CLVS1: variants seen among roughly 807,000 people sequenced by gnomAD.
CLVS1 encodes clavesin-1.
Under a neutral mutation model 33.1 loss-of-function variants are expected in CLVS1, and 10 were observed. That is an observed-to-expected ratio of 0.30 (90% CI 0.19 to 0.51). The LOEUF (loss-of-function observed/expected upper bound fraction) is 0.51. Among genes scored for constraint, CLVS1 ranks in the 20% least tolerant of loss-of-function variants. The pLI is 0.97. For synonymous variants in CLVS1, 163 were observed against 166.1 expected (o/e 0.98, Z 0.14); for missense variants, 343 against 433.4 (o/e 0.79, Z 1.85).
chr8:61,114,073 G>T (rs185980138), intron 1 of CLVS1, among the ~76,000 whole-genome samples: 4 of 152,370 alleles, frequency 2.6e-5, no homozygotes, highest in Non-Finnish European at 5.9e-5. Flanking sequence ...ATATGTAAAT[G>T]AATGATAATG....
At chr8:61,137,683 C>T (rs942987844) in intron 2 of CLVS1, among the ~76,000 whole-genome samples, 4 of 152,190 alleles carry the variant, frequency 2.6e-5, no homozygotes, top group Non-Finnish European at 4.4e-5. Flanking sequence ...TTCCTTTCCT[C>T]CTCCAATAAT....
At chr8:60,968,440 C>T in the CLVS1 span, among the ~76,000 whole-genome samples, 1 of 149,840 alleles carries the variant, frequency 6.7e-6, no homozygotes, top group African/African-American at 2.5e-5. Context: ...CGCTTGAACC[C>T]GGGAGGCAGA....
chr8:61,180,569 A>G (rs1314860324), intron 2 of CLVS1, among the ~76,000 whole-genome samples: 1 of 152,254 alleles, frequency 6.6e-6, no homozygotes, highest in Non-Finnish European at 1.5e-5. Context: ...TCCTTGATGA[A>G]CATCAATGCA....
chr8:61,368,404 G>A (rs1813301536), intron 2 of CLVS1, among the ~76,000 whole-genome samples: 1 of 152,206 alleles, frequency 6.6e-6, no homozygotes, highest in Non-Finnish European at 1.5e-5. Flanking sequence ...TGCTGTACTT[G>A]AGAGAATATT....
At chr8:60,968,313 C>T in the CLVS1 span, among the ~76,000 whole-genome samples, 2 of 152,100 alleles carry the variant, frequency 1.3e-5, no homozygotes, top group African/African-American at 2.4e-5. Context: ...GTCGGGAGTT[C>T]GAGACCAGCC....
At chr8:61,160,062 G>T (rs1806724225) in intron 2 of CLVS1, among the ~76,000 whole-genome samples, 1 of 152,190 alleles carries the variant, frequency 6.6e-6, no homozygotes, top group South Asian at 2.1e-4. Context: ...AAGTGGAGCT[G>T]AGGGGTGCTG....
intron 2 of CLVS1, among the ~76,000 whole-genome samples, chr8:61,301,455 T>A (rs1358389632): frequency 6.6e-6 from 1 of 152,166 alleles, no homozygotes; most frequent in Non-Finnish European, 1.5e-5. Context: ...CCCAACCCTG[T>A]TTTCTCAGGC....
chr8:61,337,637 G>A (rs528851113), intron 2 of CLVS1, among the ~76,000 whole-genome samples: 1 of 152,258 alleles, frequency 6.6e-6, no homozygotes, highest in South Asian at 2.1e-4. Flanking sequence ...TGTGATGTGG[G>A]CTGTTTATGT....
At chr8:61,149,559 A>AC (rs1806484435) in intron 2 of CLVS1, among the ~76,000 whole-genome samples, 1 of 149,788 alleles carries the variant, frequency 6.7e-6, no homozygotes, top group Non-Finnish European at 1.5e-5. Flanking sequence ...CTCAAAAAAA[A>AC]AAAAAAAAAC....
chr8:61,480,904 G>A (rs1367889875), intron 5 of CLVS1, among the ~76,000 whole-genome samples: 2 of 152,080 alleles, frequency 1.3e-5, no homozygotes, highest in Non-Finnish European at 2.9e-5. Flanking sequence ...TCTATTCTTG[G>A]GTAGTGTGAT....
At chr8:61,285,588 G>A (rs1015404712), upstream of CLVS1, among the ~76,000 whole-genome samples, 6 of 152,126 alleles carry the variant, frequency 3.9e-5, no homozygotes, top group African/African-American at 1.4e-4. Flanking sequence ...GCCTGACCTC[G>A]CTCCTGGCAC....
At chr8:61,195,567 G>T (rs1807587927) in intron 2 of CLVS1, among the ~76,000 whole-genome samples, 1 of 151,402 alleles carries the variant, frequency 6.6e-6, no homozygotes, top group South Asian at 2.1e-4. Context: ...ATTTTACTTA[G>T]AATTAAGGAT....
intron 2 of CLVS1, among the ~76,000 whole-genome samples, chr8:61,180,575 A>G (rs1807208981): frequency 6.6e-6 from 1 of 152,364 alleles, no homozygotes; most frequent in Admixed American, 6.5e-5. Context: ...ATGAACATCA[A>G]TGCAAAAATC....
At chr8:61,376,071 G>C (rs1175008101) in intron 2 of CLVS1, among the ~76,000 whole-genome samples, 1 of 152,148 alleles carries the variant, frequency 6.6e-6, no homozygotes, top group Non-Finnish European at 1.5e-5. Flanking sequence ...AAGAGTTGAA[G>C]CTAAAAAATA....
chr8:61,365,754 G>GGTGTGT (rs35496931), intron 2 of CLVS1, among the ~76,000 whole-genome samples: 15 of 148,496 alleles, frequency 1.0e-4, no homozygotes, highest in Non-Finnish European at 1.8e-4. Context: ...CAGTTTACAG[G>GGTGTGT]GTGTGTGTGT....
At chr8:61,138,848 C>T (rs1806245057) in intron 2 of CLVS1, among the ~76,000 whole-genome samples, 1 of 152,190 alleles carries the variant, frequency 6.6e-6, no homozygotes, top group Non-Finnish European at 1.5e-5. Flanking sequence ...TTGCATTCAC[C>T]CCAGGTCTGG....
intron 3 of CLVS1, among the ~76,000 whole-genome samples, chr8:61,445,484 T>C (rs551486218): frequency 6.6e-6 from 1 of 152,246 alleles, no homozygotes; most frequent in African/African-American, 2.4e-5. Flanking sequence ...CCATGTGATC[T>C]CTACATACCT....
intron 3 of CLVS1, among the ~76,000 whole-genome samples, chr8:61,449,987 C>A (rs1050313071): frequency 1.3e-5 from 2 of 152,144 alleles, no homozygotes; most frequent in East Asian, 1.9e-4. Context: ...ACACTTGGGA[C>A]CTTCAGTTAC....
upstream of CLVS1, among the ~76,000 whole-genome samples, chr8:61,287,483 T>C (rs1293940816): frequency 6.6e-6 from 1 of 152,176 alleles, no homozygotes; most frequent in Non-Finnish European, 1.5e-5. Context: ...TTACCGATCT[T>C]TTTCTTTTTT....
Sources: allele counts gnomAD v4.1 joint callset (sites outside exome capture counted in the v4.1 genomes callset), GRCh38; gene constraint gnomAD v4.1.1; transcripts MANE v1.5; gene names NCBI Gene and HGNC (gene_info 2026-07-23, HGNC 2026-07-21).